PCP4L1: variants seen among roughly 807,000 people sequenced by gnomAD.
PCP4L1 encodes Purkinje cell protein 4-like protein 1.
A neutral mutation model predicts 9.6 loss-of-function variants in PCP4L1; 9 were observed. The ratio of observed to expected loss-of-function variants is 0.94; its 90% CI spans 0.57 to 1.64. The LOEUF is 1.64. PCP4L1 is among the 40% of genes most tolerant of loss of function. The pLI is 0.00. For missense variants in PCP4L1, 81 were observed against 80.8 expected, an observed-to-expected ratio of 1.00 and a Z score of -0.01; for synonymous variants, 31 against 28.2, an observed-to-expected ratio of 1.10 and a Z score of -0.31.
intron 1 of PCP4L1, among the ~76,000 whole-genome samples, chr1:161,277,508 G>T (rs1389757289): frequency 4.6e-5 from 7 of 152,168 alleles, no homozygotes; most frequent in Admixed American, 2.0e-4. Context: ...GATTAAATGG[G>T]ATAATGTTTG....
intron 1 of PCP4L1, among the ~76,000 whole-genome samples, chr1:161,262,163 G>A (rs767185077): frequency 2.6e-5 from 4 of 152,004 alleles, no homozygotes; most frequent in Admixed American, 6.5e-5. Context: ...GGCCAGGCGC[G>A]GTGGCTCACG....
chr1:161,284,207 A>T, intron 2 of PCP4L1, 132 bp from the exon 3 acceptor site: 1 of 1,165,502 alleles, frequency 8.6e-7, no homozygotes, highest in Non-Finnish European at 1.2e-6. Flanking sequence ...AGGCATTCAT[A>T]ATCCTAGCAA....
intron 1 of PCP4L1, among the ~76,000 whole-genome samples, chr1:161,269,075 C>T (rs978791149): frequency 2.0e-5 from 3 of 150,088 alleles, no homozygotes; most frequent in African/African-American, 7.4e-5. Flanking sequence ...TATTTTTTTT[C>T]TTTTATCCTC....
intron 1 of PCP4L1, among the ~76,000 whole-genome samples, chr1:161,275,022 G>T (rs1480396482): frequency 6.6e-6 from 1 of 152,056 alleles, no homozygotes; most frequent in Non-Finnish European, 1.5e-5. Context: ...GGGGTGGGGG[G>T]ACCAGATGGC....
chr1:161,266,815 G>A (rs576256671), intron 1 of PCP4L1, among the ~76,000 whole-genome samples: 11 of 152,320 alleles, frequency 7.2e-5, no homozygotes, highest in African/African-American at 2.6e-4. Context: ...TTTAAGGACT[G>A]CAGCTGGTTG....
At chr1:161,264,874 T>G (rs914597487) in intron 1 of PCP4L1, among the ~76,000 whole-genome samples, 1 of 152,144 alleles carries the variant, frequency 6.6e-6, no homozygotes, top group Non-Finnish European at 1.5e-5. Context: ...CTAATAATGC[T>G]GAGCAAGAGG....
At chr1:161,262,996 T>A (rs1230145612) in intron 1 of PCP4L1, among the ~76,000 whole-genome samples, 3 of 152,170 alleles carry the variant, frequency 2.0e-5, no homozygotes, top group Non-Finnish European at 4.4e-5. Context: ...AAACCTCAAA[T>A]AAAATATCAA....
intron 1 of PCP4L1, among the ~76,000 whole-genome samples, chr1:161,271,552 G>A (rs1262185226): frequency 1.3e-5 from 2 of 152,112 alleles, no homozygotes; most frequent in South Asian, 2.1e-4. Context: ...CGCCCAGGCT[G>A]GAGTGTAGTG....
chr1:161,276,390 A>AAATACAT (rs1262793181), intron 1 of PCP4L1, among the ~76,000 whole-genome samples: 1 of 152,124 alleles, frequency 6.6e-6, no homozygotes, highest in East Asian at 1.9e-4. Flanking sequence ...TTTAAAATGA[A>AAATACAT]AATACATATG....
Position 161,264,314 on chromosome 1 carries a change from C to G in PCP4L1, c.9+5331C>G, listed in dbSNP as rs879460082. Among the ~76,000 whole-genome samples the G allele has an allele frequency of 2.6e-5, 4 of 151,492 alleles. No individual in the cohort carries two copies. The East Asian group carries it at 6.0e-4, about 23-fold the overall frequency. On this transcript the variant is annotated intron_variant, in intron 1 of 2. Coordinates refer to ENST00000504449, the MANE Select transcript of PCP4L1 (RefSeq NM_001102566.2). ...TAGGTGGATAACGAGGTCAGGAGTT[C>G]GAGACCAGCCTGGCCAACATGGTGA...
chr1:161,279,992 C>A (rs959680441), intron 1 of PCP4L1, among the ~76,000 whole-genome samples: 3 of 152,122 alleles, frequency 2.0e-5, no homozygotes, highest in African/African-American at 7.2e-5. Context: ...GAGCAGGGAA[C>A]CTGGGAAAAA....
At chr1:161,280,637 T>A (rs1669778470) in intron 1 of PCP4L1, among the ~76,000 whole-genome samples, 1 of 152,164 alleles carries the variant, frequency 6.6e-6, no homozygotes, top group East Asian at 1.9e-4. Context: ...GTGTCACCAG[T>A]GATCTCCCCA....
chr1:161,278,707 CAT>C (rs1167666122), intron 1 of PCP4L1, among the ~76,000 whole-genome samples: 4 of 152,198 alleles, frequency 2.6e-5, no homozygotes, highest in African/African-American at 9.6e-5. Flanking sequence ...TCCAAAGACA[CAT>C]ATTCTGGCTA....
rs1669879164 is a variant in PCP4L1, at chr1:161,284,676, A to C, written c.*195A>C. On this transcript the variant is annotated 3_prime_UTR_variant, in exon 3 of 3. Transcript: ENST00000504449. ...GAGAGGTGGAGAAGATGAAGACTTC[A>C]ATCAGCAGTCACTAGTCTAAGGGTG... is the stretch of plus-strand genomic sequence containing the variant. 1.4e-6 allele frequency: 1 copy of C among 703,494 alleles called. No individual in the cohort carries two copies. The highest frequency in any genetic ancestry group is 2.4e-6 in the Non-Finnish European group (1 of 423,042). The allele number at this position is 703,494 out of a possible 1,614,324, so 43.6% of individuals were successfully genotyped here.
intron 1 of PCP4L1, among the ~76,000 whole-genome samples, chr1:161,281,775 T>C (rs200645441): frequency 0.011 from 245 of 22,124 alleles, 7 homozygotes; most frequent in African/African-American, 0.038. Flanking sequence ...GAGGCGCTCC[T>C]CACATCCCGG....
chr1:161,270,560 C>A (rs1458895939), intron 1 of PCP4L1, among the ~76,000 whole-genome samples: 1 of 45,674 alleles, frequency 2.2e-5, no homozygotes, highest in Non-Finnish European at 3.8e-5. Flanking sequence ...ATAAAAGAGA[C>A]CCCAGGCTCA....
intron 1 of PCP4L1, among the ~76,000 whole-genome samples, chr1:161,261,098 C>T (rs905100899): frequency 6.6e-6 from 1 of 152,146 alleles, no homozygotes; most frequent in Non-Finnish European, 1.5e-5. Flanking sequence ...AGGCCAGCCC[C>T]ATGGGGCTCC....
At chr1:161,282,362 C>CAGAGGGAGAGCGTGGAAAG (rs1274199348) in intron 1 of PCP4L1, among the ~76,000 whole-genome samples, 1 of 136,398 alleles carries the variant, frequency 7.3e-6, no homozygotes, top group African/African-American at 2.8e-5. Context: ...AGCTGGGCAT[C>CAGAGGGAGAGCGTGGAAAG]AGAGGGAGAG....
chr1:161,284,689 T>A lies in PCP4L1; in HGVS notation c.*208T>A. The A allele has an allele frequency of 1.5e-6, 1 of 655,302 alleles. No individual in the cohort carries two copies. Among genetic ancestry groups the A allele is most frequent in the Non-Finnish European group, 2.6e-6 (1 of 382,740 alleles). The allele number at this position is 655,302 out of a possible 1,614,324, so 40.6% of individuals were successfully genotyped here. A position where few individuals can be genotyped will look rare whatever the true frequency, so the allele number is the denominator to read the frequency against. Reference sequence around the variant, plus strand: ...GATGAAGACTTCAATCAGCAGTCACTAGTCTAAGGGTGGAACAATTTCTTC... The same window carrying A: ...GATGAAGACTTCAATCAGCAGTCACAAGTCTAAGGGTGGAACAATTTCTTC... On this transcript the variant is annotated 3_prime_UTR_variant, in exon 3 of 3. Coordinates refer to ENST00000504449, the MANE Select transcript of PCP4L1 (RefSeq NM_001102566.2).
Sources: allele counts gnomAD v4.1 joint callset (sites outside exome capture counted in the v4.1 genomes callset), GRCh38; gene constraint gnomAD v4.1.1; transcripts MANE v1.5; gene names NCBI Gene and HGNC (gene_info 2026-07-23, HGNC 2026-07-21).